Variants in ONECUT1 observed in about 807,000 individuals in gnomAD.
The protein encoded by ONECUT1 is one cut homeobox 1.
A neutral mutation model predicts 25.6 loss-of-function variants in ONECUT1; 12 were observed. That is an observed-to-expected ratio of 0.47 (90% CI 0.30 to 0.76). The LOEUF (loss-of-function observed/expected upper bound fraction) is 0.76. Among genes scored for constraint, ONECUT1 ranks in the 30% least tolerant of loss-of-function variants. ONECUT1 has a pLI of 0.07. For missense variants in ONECUT1, 620 were observed against 651.2 expected (o/e 0.95, Z 0.52); for synonymous variants, 285 against 270.2 (o/e 1.05, Z -0.54).
Position 52,789,662 on chromosome 15 carries a change from G to A in ONECUT1, c.223C>T (p.Pro75Ser). Residue 75 changes from proline to serine, a missense_variant, in exon 1 of 2, where the codon CCT becomes TCT. Transcript: ENST00000305901. This position sits in a 1 kb window ranked among gnomAD's most constrained non-coding sequence, Gnocchi z 4.1. ...GGDYHHHHRA[P>S]EHSLAGPLHP... is the part of the protein sequence containing the mutation. ...AGGGGGCCGGCCAGGCTGTGCTCAG[G>A]GGCCCGGTGGTGGTGGTGGTAATCT... 1 of 1,534,306 alleles carries A rather than the reference G, an allele frequency of 6.5e-7. No individual in the cohort carries two copies. The highest frequency in any genetic ancestry group is 8.7e-7 in the Non-Finnish European group (1 of 1,143,438).
chr15:52,782,777 A>T (rs570991801), intron 1 of ONECUT1, among the ~76,000 whole-genome samples: 1 of 152,314 alleles, frequency 6.6e-6, no homozygotes, highest in South Asian at 2.1e-4. Context: ...GTCATTTCTC[A>T]TTCAAACCAT....
intron 1 of ONECUT1, among the ~76,000 whole-genome samples, chr15:52,761,535 G>A (rs1596045583): frequency 6.6e-6 from 1 of 152,198 alleles, no homozygotes; most frequent in Non-Finnish European, 1.5e-5. Flanking sequence ...GCAGGGCATG[G>A]TGGCAGGTGC....
chr15:52,777,739 A>AAAAAAAAAAAAAAAC (rs2083812922), intron 1 of ONECUT1, among the ~76,000 whole-genome samples: 1 of 116,060 alleles, frequency 8.6e-6, no homozygotes, highest in South Asian at 2.5e-4. Flanking sequence ...CACACACACA[A>AAAAAAAAAAAAAAAC]AAAAACATGT....
intron 1 of ONECUT1, chr15:52,780,652 T>C: frequency 2.0e-6 from 3 of 1,534,796 alleles, no homozygotes; most frequent in Non-Finnish European, 1.7e-6. Context: ...GCCACTCCTC[T>C]CACGCACTTC....
Position 52,785,115 on chromosome 15 carries a change from A to G in ONECUT1, c.1105+3665T>C, listed in dbSNP as rs2083865907. Among the ~76,000 whole-genome samples, 3 of 152,346 alleles carry G rather than the reference A, an allele frequency of 2.0e-5. No individual in the cohort carries two copies. In the South Asian group the frequency reaches 6.2e-4, roughly 32 times the overall value. ...GTCCTGGCTTCTCTCCCGGCCCAGAAGTCTTCAAGGATTGAAGGGCTCTGC... is the reference window on the plus strand; with the variant it reads ...GTCCTGGCTTCTCTCCCGGCCCAGAGGTCTTCAAGGATTGAAGGGCTCTGC... On this transcript the variant is annotated intron_variant, in intron 1 of 1. Transcript: ENST00000305901.
In ONECUT1 at chr15:52,784,803, T is replaced by C. The variant is rs899710389; in HGVS notation, c.1105+3977A>G. Among the ~76,000 whole-genome samples, 19 of 152,212 alleles carry C rather than the reference T, an allele frequency of 1.2e-4. No individual in the cohort carries two copies. Among genetic ancestry groups the C allele is most frequent in the African/African-American group, 3.9e-4 (16 of 41,466 alleles). ...TGACTACCGGGATGCACTGCCACTT[T>C]TCGGCCTGGCGGGCTCTGGGACTCC... On this transcript the variant is annotated intron_variant, in intron 1 of 1. Coordinates refer to ENST00000305901, the MANE Select transcript of ONECUT1 (RefSeq NM_004498.4). The surrounding 1 kb of genome is among the most constrained non-coding windows in gnomAD (Gnocchi z 5.0).
In ONECUT1 at chr15:52,789,458, C is replaced by T; in HGVS notation, c.427G>A (p.Gly143Ser). The T allele has an allele frequency of 6.2e-7, 1 of 1,613,662 alleles. No individual in the cohort carries two copies. ...HHPHHHQRLA[G>S]NVSGSFTLMR... ...AGCGTGAAGCTACCGCTCACGTTGCCCGCCAGGCGCTGGTGGTGGTGCGGG... is the reference window on the plus strand; with the variant it reads ...AGCGTGAAGCTACCGCTCACGTTGCTCGCCAGGCGCTGGTGGTGGTGCGGG... Residue 143 changes from glycine (G) to serine (S), a missense_variant, in exon 1 of 2, where the codon GGC becomes AGC. Physicochemically the swap from Gly to Ser is moderately conservative, Grantham distance 56 (BLOSUM62 0). Around this residue, in one of 4 missense-constraint regions of ONECUT1, gnomAD observed 440 missense variants for 404.9 expected, o/e 1.09. Transcript: ENST00000305901. This position sits in a 1 kb window ranked among gnomAD's most constrained non-coding sequence, Gnocchi z 4.1.
At chr15:52,758,253 A>G (rs977564111) in intron 1 of ONECUT1, among the ~76,000 whole-genome samples, 2 of 152,236 alleles carry the variant, frequency 1.3e-5, no homozygotes, top group Non-Finnish European at 1.5e-5. Flanking sequence ...TAGTGTATGC[A>G]AAAGTTTATG....
chr15:52,783,952 C>T (rs2083857585), intron 1 of ONECUT1, among the ~76,000 whole-genome samples: 2 of 152,236 alleles, frequency 1.3e-5, no homozygotes, highest in South Asian at 4.1e-4. Context: ...CACTTTCTTC[C>T]TATCAAAATA....
intron 1 of ONECUT1, among the ~76,000 whole-genome samples, chr15:52,768,443 C>T (rs991740890): frequency 6.6e-6 from 1 of 152,026 alleles, no homozygotes; most frequent in African/African-American, 2.4e-5. Flanking sequence ...ATCAGTATCC[C>T]TCACTTAAAA....
In ONECUT1 at chr15:52,777,735, C is replaced by CAAAAA. The variant is rs1339746053; in HGVS notation, c.1105+11044_1105+11045insTTTTT. Reference sequence around the variant, plus strand: ...ACACACACACACACACACACACACACACAAAAAAACATGTAAAGTTATTTG... The same window carrying CAAAAA: ...ACACACACACACACACACACACACACAAAAAACAAAAAAACATGTAAAGTTATTTG... On this transcript the variant is annotated intron_variant, in intron 1 of 1. Transcript: ENST00000305901. 5.8e-3 allele frequency among the ~76,000 whole-genome samples: 524 copies of CAAAAA among 90,878 alleles called. 9 individuals carry two copies. Among genetic ancestry groups the CAAAAA allele is most frequent in the East Asian group, 0.028 (73 of 2,570 alleles). The allele number at this position is 90,878 out of a possible 152,430, so 59.6% of individuals were successfully genotyped here.
At position 52,788,693 on chromosome 15, in the gene ONECUT1, C is replaced by G. The variant is rs1263206303; in HGVS notation, c.1105+87G>C. 2 of 1,430,182 alleles carry G rather than the reference C, an allele frequency of 1.4e-6. No homozygotes were observed. The allele number at this position is 1,430,182 out of a possible 1,614,324, so 88.6% of individuals were successfully genotyped here. ...AGGGGCGGGCGGGATGAAGCGCACC[C>G]AGCCCTCTCTCCTACCCTTCCTCCT... On this transcript the variant is annotated intron_variant, in intron 1 of 1. Coordinates refer to ENST00000305901, the MANE Select transcript of ONECUT1 (RefSeq NM_004498.4). This position sits in a 1 kb window ranked among gnomAD's most constrained non-coding sequence, Gnocchi z 4.3.
chr15:52,757,819 C>G lies in ONECUT1; in HGVS notation c.1134G>C (p.Gly378=). The change falls in exon 2 of 2, where the codon GGG becomes GGC. Residue 378 remains glycine (G), a synonymous_variant. Transcript: ENST00000305901. ...AACKRKEQEH[G]KDRGNTPKKP... ...TTTTGGGTGTGTTGCCTCTATCCTT[C>G]CCATGTTCTTGTTCTTTCCTTTTGC... is the stretch of plus-strand genomic sequence containing the variant. 1 of 1,613,884 alleles carries G rather than the reference C, an allele frequency of 6.2e-7. No homozygotes were observed. Among genetic ancestry groups the G allele is most frequent in the Non-Finnish European group, 8.5e-7 (1 of 1,179,922 alleles).
At chr15:52,758,318 G>T (rs963827268) in intron 1 of ONECUT1, among the ~76,000 whole-genome samples, 1 of 152,060 alleles carries the variant, frequency 6.6e-6, no homozygotes, top group Non-Finnish European at 1.5e-5. Context: ...GCCCTCAAAG[G>T]GTTTATAGTC....
intron 1 of ONECUT1, among the ~76,000 whole-genome samples, chr15:52,779,743 G>T (rs1330836252): frequency 3.9e-5 from 6 of 152,168 alleles, no homozygotes; most frequent in Non-Finnish European, 8.8e-5. Context: ...CTCTGGGAAC[G>T]ATCTATGGAG....
At position 52,789,070 on chromosome 15, in the gene ONECUT1, T is replaced by C. The variant is rs1397494512; in HGVS notation, c.815A>G (p.Asn272Ser). Residue 272 changes from asparagine (N) to serine (S), a missense_variant, in exon 1 of 2, where the codon AAC becomes AGC. Transcript: ENST00000305901. The surrounding 1 kb of genome is among the most constrained non-coding windows in gnomAD (Gnocchi z 4.1). ...GQLLGTAREP[N>S]PSVTGAQVSN... ...GACCTGCGCGCCGGTCACCGAAGGGTTGGGCTCCCGGGCTGTGCCCAGGAG... is the reference window on the plus strand; with the variant it reads ...GACCTGCGCGCCGGTCACCGAAGGGCTGGGCTCCCGGGCTGTGCCCAGGAG... 1 of 1,602,400 alleles carries C rather than the reference T, an allele frequency of 6.2e-7. No homozygotes were observed. The highest frequency in any genetic ancestry group is 8.5e-7 in the Non-Finnish European group (1 of 1,179,948).
At chr15:52,761,160 C>T (rs187868089) in intron 1 of ONECUT1, among the ~76,000 whole-genome samples, 28 of 152,232 alleles carry the variant, frequency 1.8e-4, no homozygotes, top group Admixed American at 9.2e-4. Context: ...TGAGACAACT[C>T]TAAAGAGTCA....
chr15:52,765,296 G>C (rs935606898), intron 1 of ONECUT1, among the ~76,000 whole-genome samples: 18 of 152,174 alleles, frequency 1.2e-4, no homozygotes, highest in African/African-American at 4.3e-4. Context: ...GACTTTAAAT[G>C]GGTTGAATTC....
intron 1 of ONECUT1, among the ~76,000 whole-genome samples, chr15:52,777,735 C>A (rs200691262): frequency 0.058 from 5,263 of 90,200 alleles, 388 homozygotes; most frequent in East Asian, 0.24. Context: ...CACACACACA[C>A]ACAAAAAAAC....
Sources: gnomAD v4.1 joint callset for allele counts (sites outside exome capture counted in the v4.1 genomes callset) on GRCh38, gnomAD v4.1.1 for gene constraint, gnomAD v4.1.1 regional missense constraint, Gnocchi (gnomAD v3.1) non-coding constraint, MANE v1.5 for transcripts, NCBI Gene and HGNC (gene_info 2026-07-23, HGNC 2026-07-21) for gene names.